Variants in L3MBTL3 observed in about 807,000 individuals in gnomAD.
L3MBTL3 encodes lethal(3)malignant brain tumor-like protein 3.
Under a neutral mutation model 102.3 loss-of-function variants are expected in L3MBTL3, and 27 were observed. That is an observed-to-expected ratio of 0.26 (90% CI 0.19 to 0.36). L3MBTL3 has a LOEUF of 0.36. Among genes scored for constraint, L3MBTL3 ranks in the 10% least tolerant of loss-of-function variants. The pLI, the probability that L3MBTL3 is intolerant of heterozygous loss-of-function variation, is 1.00. For synonymous variants in L3MBTL3, 340 were observed against 320.9 expected, an observed-to-expected ratio of 1.06 and a Z score of -0.64; for missense variants, 798 against 955.3, an observed-to-expected ratio of 0.84 and a Z score of 2.17.
At chr6:130,129,262 G>A (rs1274177477) in intron 20 of L3MBTL3, among the ~76,000 whole-genome samples, 2 of 151,910 alleles carry the variant, frequency 1.3e-5, no homozygotes, top group Admixed American at 6.6e-5. Context: ...ATATGTATAG[G>A]CCTCACTGAG....
Position 130,055,207 on chromosome 6 carries a change from C to A in L3MBTL3, c.619C>A (p.Gln207Lys). The change falls in exon 8 of 23, where the codon CAG becomes AAG. Residue 207 changes from glutamine (Q) to lysine (K), a missense_variant. Physicochemically the swap from Gln to Lys is moderately conservative, Grantham distance 53. Around this residue, in one of 4 missense-constraint regions of L3MBTL3, gnomAD observed 434 missense variants for 506.6 expected, o/e 0.86. Transcript: ENST00000361794. ...KQDVRILRGS[Q>K]RARRKRRGDS... is the part of the protein sequence containing the mutation. Reference sequence around the variant, plus strand: ...AGATGTAAGAATCCTGAGGGGTTCGCAGAGAGCACGGAGGAAAAGACGAGG... The same window carrying A: ...AGATGTAAGAATCCTGAGGGGTTCGAAGAGAGCACGGAGGAAAAGACGAGG... 2 of 1,613,892 alleles carry A rather than the reference C, an allele frequency of 1.2e-6. No homozygotes were observed. The highest frequency in any genetic ancestry group is 1.7e-6 in the Non-Finnish European group (2 of 1,179,894).
At chr6:130,066,286 G>GTGTGTGTATATATA (rs1554227522) in intron 10 of L3MBTL3, 67 bp from the exon 11 acceptor site, 1 of 384,432 alleles carries the variant, frequency 2.6e-6, no homozygotes, top group Non-Finnish European at 4.1e-6. Flanking sequence ...TTATTTTTGT[G>GTGTGTGTATATATA]TATATATATA....
chr6:130,071,497 G>A (rs937442422), intron 13 of L3MBTL3, among the ~76,000 whole-genome samples: 17 of 151,982 alleles, frequency 1.1e-4, no homozygotes, highest in African/African-American at 4.1e-4. Context: ...TTTAATCCTT[G>A]CAGTTTTTAG....
At position 130,133,043 on chromosome 6, in the gene L3MBTL3, T is replaced by TAA. The variant is rs1254177394; in HGVS notation, c.1967-408_1967-407dup. On this transcript the variant is annotated intron_variant, in intron 20 of 22. Transcript: ENST00000361794. The surrounding 1 kb of genome is among the most constrained non-coding windows in gnomAD (Gnocchi z 4.9). ...AAGTATGCCAACTGTGAATACATGG[T>TAA]AAGCACAGGTGTTAGACGTGAGATG... 6.6e-6 allele frequency among the ~76,000 whole-genome samples: 1 copy of TAA among 152,174 alleles called. No individual in the cohort carries two copies. Among genetic ancestry groups the TAA allele is most frequent in the Non-Finnish European group, 1.5e-5 (1 of 68,028 alleles).
At chr6:130,040,216 C>A (rs1318855853) in intron 2 of L3MBTL3, among the ~76,000 whole-genome samples, 2 of 151,578 alleles carry the variant, frequency 1.3e-5, no homozygotes, top group Non-Finnish European at 2.9e-5. Flanking sequence ...TAATCCCCAG[C>A]TACTGAGGAG....
intron 22 of L3MBTL3, among the ~76,000 whole-genome samples, chr6:130,135,096 G>A (rs1238615334): frequency 2.3e-5 from 3 of 130,220 alleles, no homozygotes; most frequent in Non-Finnish European, 4.7e-5. Context: ...TTTTTAAATC[G>A]AGATGGAGTC....
At chr6:130,080,936 A>G (rs1783298278) in intron 14 of L3MBTL3, among the ~76,000 whole-genome samples, 1 of 152,186 alleles carries the variant, frequency 6.6e-6, no homozygotes. Context: ...CTAAGGGCAG[A>G]TTCCTGGGTC....
chr6:130,049,818 G>C lies in L3MBTL3; in HGVS notation c.277G>C (p.Gly93Arg), dbSNP rs141539115. The change falls in exon 5 of 23, where the codon GGA becomes CGA. Residue 93 changes from glycine (G) to arginine (R), a missense_variant. Coordinates refer to ENST00000361794, the MANE Select transcript of L3MBTL3 (RefSeq NM_032438.4). The stretch of plus-strand genomic sequence containing the variant: ...ACCTGCCTACTGGACATCTCCACCT[G>C]GATGTCCCACAGGTACCTCAAACTC... The part of the protein sequence containing the change: ...FPPAYWTSPP[G>R]CPTVFSEKTG... 6.2e-7 allele frequency: 1 copy of C among 1,612,156 alleles called. No individual in the cohort carries two copies. The highest frequency in any genetic ancestry group is 8.5e-7 in the Non-Finnish European group (1 of 1,179,190).
chr6:130,126,174 T>C (rs1309929958), intron 20 of L3MBTL3, among the ~76,000 whole-genome samples: 3 of 149,042 alleles, frequency 2.0e-5, no homozygotes, highest in African/African-American at 4.9e-5. Context: ...CCTACCATTA[T>C]GGAAGTCCCA....
rs376419261 is a variant in L3MBTL3 at position 130,108,220 on chromosome 6, G to GTTTTTTT, written c.1886+3649_1886+3655dup. ...ATAAGCCCTCAATAAATGTTAGGTG[G>GTTTTTTT]TTTTTTTTTTGTTTTTTTTTTTTTT... is the stretch of plus-strand genomic sequence containing the variant. On this transcript the variant is annotated intron_variant, in intron 19 of 22. Coordinates refer to ENST00000361794, the MANE Select transcript of L3MBTL3 (RefSeq NM_032438.4). Among the ~76,000 whole-genome samples, 480 of 118,598 alleles carry GTTTTTTT rather than the reference G, an allele frequency of 4.0e-3. 107 individuals are homozygous for GTTTTTTT. Among genetic ancestry groups the GTTTTTTT allele is most frequent in the Non-Finnish European group, 5.7e-3 (318 of 56,056 alleles). 77.8% of individuals were successfully genotyped at this position (118,598 alleles called of 152,430 possible).
Position 130,139,748 on chromosome 6 carries a change from C to T in L3MBTL3, c.2338C>T (p.Leu780Phe). ...KAAEKNSHNEL is the reference protein window; with the variant it reads ...KAAEKNSHNEF ...TGCAGAGAAGAATTCTCACAATGAACTTTGAAGATGGTGAATTCTGAATAC... is the reference window on the plus strand; with the variant it reads ...TGCAGAGAAGAATTCTCACAATGAATTTTGAAGATGGTGAATTCTGAATAC... The change falls in exon 23 of 23, where the codon CTT becomes TTT. Residue 780 changes from leucine (L) to phenylalanine (F), a missense_variant. This residue lies in a region of L3MBTL3 where 48 missense variants were observed against 107.0 expected (regional missense o/e 0.45). Transcript: ENST00000361794. 6.2e-7 allele frequency: 1 copy of T among 1,612,844 alleles called. No individual in the cohort carries two copies. Among genetic ancestry groups the T allele is most frequent in the Non-Finnish European group, 8.5e-7 (1 of 1,179,568 alleles).
At chr6:130,090,878 A>T (rs146255621) in intron 16 of L3MBTL3, among the ~76,000 whole-genome samples, 12 of 152,098 alleles carry the variant, frequency 7.9e-5, no homozygotes, top group Non-Finnish European at 1.3e-4. Flanking sequence ...TGAACCACTG[A>T]GCCTGGCCTC....
At chr6:130,075,825 C>A (rs1403050860) in intron 13 of L3MBTL3, among the ~76,000 whole-genome samples, 1 of 152,112 alleles carries the variant, frequency 6.6e-6, no homozygotes, top group Non-Finnish European at 1.5e-5. Flanking sequence ...AATAAACTTT[C>A]TTTTCACTCA....
intron 2 of L3MBTL3, among the ~76,000 whole-genome samples, chr6:130,034,649 G>A (rs1779936041): frequency 6.6e-6 from 1 of 152,084 alleles, no homozygotes; most frequent in Non-Finnish European, 1.5e-5. Flanking sequence ...AGTTAATTTT[G>A]TTTCATTTCT....
At chr6:130,098,154 A>C (rs2115288719) in intron 18 of L3MBTL3, among the ~76,000 whole-genome samples, 1 of 152,346 alleles carries the variant, frequency 6.6e-6, no homozygotes, top group Non-Finnish European at 1.5e-5. Flanking sequence ...GAAATTAAAC[A>C]AGAAAAGAGA....
chr6:130,128,153 G>A (rs148700778), intron 20 of L3MBTL3, among the ~76,000 whole-genome samples: 1 of 152,080 alleles, frequency 6.6e-6, no homozygotes, highest in Non-Finnish European at 1.5e-5. Flanking sequence ...ATTTCTGACT[G>A]TTATAAATGT....
chr6:130,107,383 A>G (rs1785053872), intron 19 of L3MBTL3, among the ~76,000 whole-genome samples: 1 of 152,184 alleles, frequency 6.6e-6, no homozygotes, highest in South Asian at 2.1e-4. Flanking sequence ...CACCTTGGAT[A>G]AATCAGCAGT....
At chr6:130,105,767 G>C (rs1314986090) in intron 19 of L3MBTL3, among the ~76,000 whole-genome samples, 1 of 152,064 alleles carries the variant, frequency 6.6e-6, no homozygotes, top group Non-Finnish European at 1.5e-5. Context: ...TTTAAAAATT[G>C]TTTATTGTTT....
chr6:130,137,052 C>T (rs922158721), intron 22 of L3MBTL3, among the ~76,000 whole-genome samples: 4 of 152,166 alleles, frequency 2.6e-5, no homozygotes, highest in Non-Finnish European at 5.9e-5. Flanking sequence ...TGTTTTATTC[C>T]CTGCTATATG....
Sources: gnomAD v4.1 joint callset for allele counts (sites outside exome capture counted in the v4.1 genomes callset) on GRCh38, gnomAD v4.1.1 for gene constraint, gnomAD v4.1.1 regional missense constraint, Gnocchi (gnomAD v3.1) non-coding constraint, MANE v1.5 for transcripts, NCBI Gene and HGNC (gene_info 2026-07-23, HGNC 2026-07-21) for gene names.